KDM4C: variants seen among roughly 807,000 people sequenced by gnomAD.
KDM4C encodes the protein lysine-specific demethylase 4C.
A neutral mutation model predicts 129.3 loss-of-function variants in KDM4C; 81 were observed. The ratio of observed to expected loss-of-function variants is 0.63; its 90% CI spans 0.52 to 0.75. The LOEUF (loss-of-function observed/expected upper bound fraction) is 0.75. Among genes scored for constraint, KDM4C ranks in the 30% least tolerant of loss-of-function variants. The probability of loss-of-function intolerance (pLI) is 0.00; values close to 1 mark genes in which losing one functional copy is unlikely to be tolerated. For missense variants in KDM4C, 1,457 were observed against 1,304.0 expected (o/e 1.12, Z -1.81); for synonymous variants, 573 against 456.1 (o/e 1.26, Z -3.26).
At chr9:7,170,656 A>G (rs1844864172) in intron 21 of KDM4C, 1 of 971,460 alleles carries the variant, frequency 1.0e-6, no homozygotes, top group Middle Eastern at 5.3e-4. Flanking sequence ...GAAATGATAA[A>G]TCCTAAATAG....
rs775166848 is a variant in KDM4C at position 6,928,332 on chromosome 9, G to A, written c.921+35100G>A. ...GCCCCTCTTTCTTTACCTTCTTTAT[G>A]TGGTCGTTTGTCTTCCTTATACCAG... On this transcript the variant is annotated intron_variant, in intron 8 of 21. Transcript: ENST00000381309. Among the ~76,000 whole-genome samples, 117 of 152,176 alleles carry A rather than the reference G, an allele frequency of 7.7e-4. 1 individual carries two copies. The highest frequency in any genetic ancestry group is 3.2e-4 in the Non-Finnish European group (22 of 68,034).
At chr9:7,061,850 CCT>C (rs1831722262) in intron 17 of KDM4C, among the ~76,000 whole-genome samples, 1 of 152,276 alleles carries the variant, frequency 6.6e-6, no homozygotes, top group Non-Finnish European at 1.5e-5. Context: ...GGGAAACTAA[CCT>C]CTTGTTCAGC....
At chr9:7,039,999 G>T (rs1178408347) in intron 15 of KDM4C, among the ~76,000 whole-genome samples, 1 of 151,978 alleles carries the variant, frequency 6.6e-6, no homozygotes, top group Non-Finnish European at 1.5e-5. Context: ...ATTGAGTTTT[G>T]ATTGTGAGCT....
chr9:7,168,788 G>T (rs1844658565), intron 20 of KDM4C, among the ~76,000 whole-genome samples: 1 of 152,094 alleles, frequency 6.6e-6, no homozygotes, highest in East Asian at 1.9e-4. Flanking sequence ...AAACAGGCCG[G>T]GCATGGTGGC....
chr9:6,967,492 A>T (rs1223803196), intron 8 of KDM4C, among the ~76,000 whole-genome samples: 1 of 152,096 alleles, frequency 6.6e-6, no homozygotes. Context: ...ACGTTCACAG[A>T]AAGACTTGCA....
chr9:7,052,895 G>GCC (rs1425665585), intron 17 of KDM4C, among the ~76,000 whole-genome samples: 11 of 10,044 alleles, frequency 1.1e-3, no homozygotes, highest in Non-Finnish European at 2.1e-3. Context: ...GAGAGAGAGA[G>GCC]AGAGAGCGAG....
chr9:7,113,034 C>T (rs552510724), intron 18 of KDM4C, among the ~76,000 whole-genome samples: 1 of 151,740 alleles, frequency 6.6e-6, no homozygotes, highest in South Asian at 2.1e-4. Context: ...TTTGTTTCTT[C>T]TACATAAGCT....
intron 15 of KDM4C, among the ~76,000 whole-genome samples, chr9:7,021,893 A>G (rs1824924931): frequency 6.6e-6 from 1 of 152,196 alleles, no homozygotes; most frequent in African/African-American, 2.4e-5. Flanking sequence ...TTTTCCCAGC[A>G]TCATTTATTG....
chr9:7,163,909 C>T (rs916685064), intron 19 of KDM4C, among the ~76,000 whole-genome samples: 6 of 152,210 alleles, frequency 3.9e-5, no homozygotes, highest in Non-Finnish European at 8.8e-5. Context: ...CCAATGGAAG[C>T]ATAGCCTGCA....
At chr9:7,088,967 T>A (rs921836807) in intron 17 of KDM4C, among the ~76,000 whole-genome samples, 3 of 152,142 alleles carry the variant, frequency 2.0e-5, no homozygotes, top group Non-Finnish European at 2.9e-5. Flanking sequence ...TTAAAGCACA[T>A]TTGCCTGACT....
chr9:6,805,344 T>A (rs1435280651), intron 2 of KDM4C, among the ~76,000 whole-genome samples: 2 of 152,194 alleles, frequency 1.3e-5, no homozygotes, highest in Non-Finnish European at 2.9e-5. Flanking sequence ...ATCTTTAAAA[T>A]CAAGATGTTA....
chr9:6,733,746 A>G (rs2130227867), intron 1 of KDM4C, among the ~76,000 whole-genome samples: 1 of 152,328 alleles, frequency 6.6e-6, no homozygotes, highest in South Asian at 2.1e-4. Flanking sequence ...TATTCCATAG[A>G]CAGAGCAGCC....
intron 8 of KDM4C, among the ~76,000 whole-genome samples, chr9:6,958,290 T>G (rs1172385835): frequency 6.6e-6 from 1 of 152,058 alleles, no homozygotes; most frequent in African/African-American, 2.4e-5. Context: ...AGGATAAGAA[T>G]TATATCACAT....
At chr9:7,158,317 T>G (rs1293396242) in intron 19 of KDM4C, among the ~76,000 whole-genome samples, 1 of 84,072 alleles carries the variant, frequency 1.2e-5, no homozygotes, top group Non-Finnish European at 2.4e-5. Flanking sequence ...CTGGATTCAT[T>G]GATTTTTTTT....
intron 17 of KDM4C, among the ~76,000 whole-genome samples, chr9:7,095,870 A>G (rs1307793158): frequency 1.3e-5 from 2 of 152,220 alleles, no homozygotes; most frequent in Admixed American, 6.5e-5. Flanking sequence ...GCTTTATCCA[A>G]TGAGAGTAAG....
upstream of KDM4C, among the ~76,000 whole-genome samples, chr9:6,756,586 G>A (rs190667608): frequency 2.6e-5 from 4 of 152,286 alleles, no homozygotes; most frequent in East Asian, 5.8e-4. Context: ...GCGTGGTGGC[G>A]GGCGACTGTA....
chr9:7,052,268 A>G (rs1830251374), intron 17 of KDM4C, among the ~76,000 whole-genome samples: 1 of 152,190 alleles, frequency 6.6e-6, no homozygotes, highest in African/African-American at 2.4e-5. Context: ...ACAATTTAAC[A>G]TTACCTGTTC....
chr9:6,890,138 A>G (rs749709870), intron 7 of KDM4C, among the ~76,000 whole-genome samples: 6 of 152,144 alleles, frequency 3.9e-5, no homozygotes, highest in Non-Finnish European at 7.4e-5. Context: ...TTCCTCAAGA[A>G]CCACATTTAC....
intron 4 of KDM4C, among the ~76,000 whole-genome samples, chr9:6,838,226 C>A (rs142815182): frequency 6.6e-6 from 1 of 152,116 alleles, no homozygotes; most frequent in Non-Finnish European, 1.5e-5. Flanking sequence ...TATTCCTTGA[C>A]GACAGAATAA....
Sources: gnomAD v4.1 joint callset for allele counts (sites outside exome capture counted in the v4.1 genomes callset) on GRCh38, gnomAD v4.1.1 for gene constraint, MANE v1.5 for transcripts, NCBI Gene and HGNC (gene_info 2026-07-23, HGNC 2026-07-21) for gene names.